Variants in ZNF429 observed in about 807,000 individuals in gnomAD.
ZNF429 encodes zinc finger protein 429.
In ZNF429, 53 loss-of-function variants were observed where a neutral mutation model predicts 56.8. That is an observed-to-expected ratio of 0.93 (90% CI 0.75 to 1.17). The LOEUF (loss-of-function observed/expected upper bound fraction) is 1.17. Among genes scored for constraint, ZNF429 ranks in the 50% most tolerant of loss-of-function variants. ZNF429 has a pLI of 0.00. For missense variants in ZNF429, 849 were observed against 788.4 expected (o/e 1.08, Z -0.92); for synonymous variants, 278 against 264.7 (o/e 1.05, Z -0.49).
At chr19:21,514,628 A>G (rs1273441668) in intron 1 of ZNF429, among the ~76,000 whole-genome samples, 1 of 151,866 alleles carries the variant, frequency 6.6e-6, no homozygotes, top group Non-Finnish European at 1.5e-5. Flanking sequence ...GATAGAGTCT[A>G]GGTCTGTTAC....
chr19:21,516,276 A>T (rs1219298690), intron 1 of ZNF429, among the ~76,000 whole-genome samples: 2 of 151,864 alleles, frequency 1.3e-5, no homozygotes, highest in African/African-American at 4.8e-5. Context: ...TTTAGTAGGG[A>T]CGGGGTTTCA....
intron 1 of ZNF429, among the ~76,000 whole-genome samples, chr19:21,514,089 C>G (rs1383212062): frequency 2.0e-5 from 3 of 152,178 alleles, no homozygotes; most frequent in African/African-American, 7.2e-5. Flanking sequence ...CCTCCATGGA[C>G]CTAGAAATAA....
intron 1 of ZNF429, among the ~76,000 whole-genome samples, chr19:21,524,253 G>A (rs955389394): frequency 6.6e-6 from 1 of 152,232 alleles, no homozygotes; most frequent in Admixed American, 6.5e-5. Context: ...TGCTGGGCCA[G>A]GCGTGGTGGC....
chr19:21,518,235 T>A (rs2032842568), intron 1 of ZNF429, among the ~76,000 whole-genome samples: 1 of 75,796 alleles, frequency 1.3e-5, no homozygotes, highest in Non-Finnish European at 2.9e-5. Flanking sequence ...ATTTTGGTTA[T>A]TTCTTGTCTT....
chr19:21,535,052 C>T, intron 3 of ZNF429, among the ~76,000 whole-genome samples: 1 of 148,634 alleles, frequency 6.7e-6, no homozygotes, highest in Non-Finnish European at 1.5e-5. Flanking sequence ...TGGTCTCGAT[C>T]TCCTGACCTT....
Position 21,537,205 on chromosome 19 carries a change from T to TA in ZNF429, c.1153dup (p.Thr385AsnfsTer4), listed in dbSNP as rs2033727959. 5 of 1,613,836 alleles carry TA rather than the reference T, an allele frequency of 3.1e-6. No homozygotes were observed. In the East Asian group the frequency reaches 1.1e-4, roughly 36 times the overall value. ...AAGCTTTTAACCAGTCTTCAAGACT[T>TA]ACTCGACATAAAAAAATTCATACTG... is the stretch of plus-strand genomic sequence containing the variant. On this transcript the variant is annotated frameshift_variant, in exon 4 of 4. Transcript: ENST00000358491. LOFTEE classifies it high-confidence loss of function.
At chr19:21,524,866 G>C (rs1012274920) in intron 1 of ZNF429, among the ~76,000 whole-genome samples, 4 of 152,212 alleles carry the variant, frequency 2.6e-5, no homozygotes, top group African/African-American at 9.6e-5. Context: ...TACAAGAGAT[G>C]TGTTTGGTTG....
At chr19:21,535,416 CTTTCTTTCTTTCTTTCT>C in intron 3 of ZNF429, among the ~76,000 whole-genome samples, 1 of 7,906 alleles carries the variant, frequency 1.3e-4, no homozygotes, top group Non-Finnish European at 3.9e-4. Context: ...TTTTTCTTTT[CTTTCTTTCTTTCTTTCT>C]TTCTTTCTTT....
intron 1 of ZNF429, among the ~76,000 whole-genome samples, chr19:21,515,935 G>A (rs2032716568): frequency 6.6e-6 from 1 of 151,892 alleles, no homozygotes; most frequent in South Asian, 2.1e-4. Flanking sequence ...CTGTTGCATT[G>A]GTCTATGAGT....
intron 1 of ZNF429, chr19:21,507,534 T>G (rs1182025838): frequency 6.6e-6 from 1 of 152,256 alleles, no homozygotes; most frequent in South Asian, 2.1e-4. Flanking sequence ...AGAGATTTTA[T>G]GAGAATGTTT....
At position 21,536,780 on chromosome 19, in the gene ZNF429, A is replaced by G. The variant is rs751074769; in HGVS notation, c.727A>G (p.Thr243Ala). The change falls in exon 4 of 4, where the codon ACC (threonine) becomes GCC (alanine). Residue 243 changes from threonine (T) to alanine (A), a missense_variant. Transcript: ENST00000358491. Reference protein sequence around the residue: ...ECGKAFNHYSTLTNHKRIHTG... With the variant: ...ECGKAFNHYSALTNHKRIHTG... ...TGGCAAAGCATTTAACCACTACTCAACCCTTACTAACCATAAGAGAATTCA... is the reference window on the plus strand; with the variant it reads ...TGGCAAAGCATTTAACCACTACTCAGCCCTTACTAACCATAAGAGAATTCA... 26 of 1,613,764 alleles carry G rather than the reference A, an allele frequency of 1.6e-5. No homozygotes were observed. Among genetic ancestry groups the G allele is most frequent in the Non-Finnish European group, 2.2e-5 (26 of 1,179,986 alleles).
At chr19:21,524,378 A>G (rs2033090940) in intron 1 of ZNF429, among the ~76,000 whole-genome samples, 1 of 152,170 alleles carries the variant, frequency 6.6e-6, no homozygotes, top group Non-Finnish European at 1.5e-5. Context: ...AAATACAAAA[A>G]TTAGCCGAGT....
intron 1 of ZNF429, among the ~76,000 whole-genome samples, chr19:21,517,697 A>AT (rs796843971): frequency 1.9e-4 from 12 of 62,388 alleles, no homozygotes; most frequent in Admixed American, 1.5e-4. Flanking sequence ...TTTCTTTTAG[A>AT]TTTTTTTTTT....
intron 3 of ZNF429, among the ~76,000 whole-genome samples, chr19:21,532,607 C>T: frequency 6.6e-6 from 1 of 151,960 alleles, no homozygotes; most frequent in Admixed American, 6.6e-5. Flanking sequence ...GGTTTTGGCT[C>T]ACTGTAAGCT....
In ZNF429 at chr19:21,512,719, G is replaced by GC. The variant is rs1208881952; in HGVS notation, c.3+6948dup. On this transcript the variant is annotated intron_variant, in intron 1 of 3. Transcript: ENST00000358491. The stretch of plus-strand genomic sequence containing the variant: ...AATGCCTTAACTGTTTGGGAATGCA[G>GC]CCCAATAGGCTCTGGTTTAAATGCC... 6.7e-4 allele frequency among the ~76,000 whole-genome samples: 101 copies of GC among 149,798 alleles called. 1 individual carries two copies. The highest frequency in any genetic ancestry group is 2.4e-3 in the African/African-American group (97 of 40,774).
intron 1 of ZNF429, among the ~76,000 whole-genome samples, chr19:21,520,524 C>T (rs1441350696): frequency 6.6e-6 from 1 of 152,036 alleles, no homozygotes; most frequent in East Asian, 1.9e-4. Context: ...GGTTGTCTTT[C>T]TCTAGGACCT....
At chr19:21,535,412 T>TTTTCTTTCTTTCTTTCTTTC in intron 3 of ZNF429, among the ~76,000 whole-genome samples, 2 of 55,358 alleles carry the variant, frequency 3.6e-5, no homozygotes, top group East Asian at 4.5e-4. Flanking sequence ...TTTCTTTTTC[T>TTTTCTTTCTTTCTTTCTTTC]TTTCTTTCTT....
At chr19:21,505,919 C>G in intron 1 of ZNF429, 145 bp downstream of exon 1, 1 of 851,010 alleles carries the variant, frequency 1.2e-6, no homozygotes, top group Non-Finnish European at 1.8e-6. Context: ...GCTTCAGTCC[C>G]CTTCAGCCAT....
chr19:21,536,634 T>A lies in ZNF429; in HGVS notation c.581T>A (p.Ile194Asn). Residue 194 changes from isoleucine (I) to asparagine (N), a missense_variant, in exon 4 of 4, where the codon ATT (isoleucine) becomes AAT (asparagine). Coordinates refer to ENST00000358491, the MANE Select transcript of ZNF429 (RefSeq NM_001001415.4). ...TCACAACTAACTCAACATAAGAAAA[T>A]TCATATTAGAGAGAATACCTACAGA... is the stretch of plus-strand genomic sequence containing the variant. ...MLSQLTQHKK[I>N]HIRENTYRCK... The A allele has an allele frequency of 6.2e-7, 1 of 1,613,700 alleles. No individual in the cohort carries two copies. Among genetic ancestry groups the A allele is most frequent in the Non-Finnish European group, 8.5e-7 (1 of 1,179,866 alleles).
Sources: gnomAD v4.1 joint callset for allele counts (sites outside exome capture counted in the v4.1 genomes callset) on GRCh38, gnomAD v4.1.1 for gene constraint, MANE v1.5 for transcripts, NCBI Gene and HGNC (gene_info 2026-07-23, HGNC 2026-07-21) for gene names.